PCDH15: variants seen among roughly 807,000 people sequenced by gnomAD.
The protein encoded by PCDH15 is protocadherin related 15.
In PCDH15, 129 loss-of-function variants were observed where a neutral mutation model predicts 178.5. That is an observed-to-expected ratio of 0.72 (90% CI 0.63 to 0.84). The LOEUF is 0.84. Among genes scored for constraint, PCDH15 ranks in the 40% least tolerant of loss-of-function variants. The pLI, the probability that PCDH15 is intolerant of heterozygous loss-of-function variation, is 0.00. For synonymous variants in PCDH15, 800 were observed against 732.0 expected, an observed-to-expected ratio of 1.09 and a Z score of -1.50; for missense variants, 2,230 against 2,099.9, an observed-to-expected ratio of 1.06 and a Z score of -1.21.
chr10:54,185,262 C>T lies in PCDH15; in HGVS notation c.1312G>A (p.Asp438Asn). The stretch of plus-strand genomic sequence containing the variant: ...TTCAGAAAAAGGTGAAGCTCTGGGT[C>T]TTTTGTCTTTGAAAAAAAATGACAT... Reference protein sequence around the residue: ...ALDKDIEDTKDPELHLFLNDY... With the variant: ...ALDKDIEDTKNPELHLFLNDY... The change falls in exon 12 of 38, where the codon GAC becomes AAC. Residue 438 changes from aspartate to asparagine, a missense_variant. By Grantham distance (23) the Asp-to-Asn change is conservative. Coordinates refer to ENST00000644397, the MANE Select transcript of PCDH15 (RefSeq NM_001384140.1). 1 of 1,613,136 alleles carries T rather than the reference C, an allele frequency of 6.2e-7. No individual in the cohort carries two copies. Among genetic ancestry groups the T allele is most frequent in the Non-Finnish European group, 8.5e-7 (1 of 1,179,478 alleles).
At chr10:54,333,214 G>C (rs1940241848) in intron 6 of PCDH15, among the ~76,000 whole-genome samples, 1 of 151,990 alleles carries the variant, frequency 6.6e-6, no homozygotes, top group South Asian at 2.1e-4. Context: ...CCAAAGTTCT[G>C]GGATTAAAGA....
intron 3 of PCDH15, among the ~76,000 whole-genome samples, chr10:54,435,982 GAAAGA>G (rs762352309): frequency 3.3e-3 from 440 of 134,550 alleles, no homozygotes; most frequent in Non-Finnish European, 5.1e-3. Flanking sequence ...AAAAATGAAA[GAAAGA>G]AAAGAAAAGA....
rs1289171537 is a variant in PCDH15, at chr10:55,607,398, G to T, written c.-156+20227C>A. On this transcript the variant is annotated intron_variant, in intron 2 of 5. Transcript: ENST00000613346. The stretch of plus-strand genomic sequence containing the variant: ...TTTGACCCAGCCATCCCATTACTGG[G>T]TATATACCCAAAGGACTATAAATCA... 1.4e-4 allele frequency among the ~76,000 whole-genome samples: 20 copies of T among 138,384 alleles called. No individual in the cohort carries two copies. The South Asian group carries it at 4.6e-3, about 32-fold the overall frequency. The allele number at this position is 138,384 out of a possible 152,430, so 90.8% of individuals were successfully genotyped here.
chr10:55,240,580 A>G (rs1841514959), intron 1 of PCDH15, among the ~76,000 whole-genome samples: 1 of 152,196 alleles, frequency 6.6e-6, no homozygotes, highest in Admixed American at 6.5e-5. Context: ...TCAATACAAT[A>G]GATGTAAAAT....
intron 5 of PCDH15, among the ~76,000 whole-genome samples, chr10:54,361,285 A>G (rs1274550080): frequency 2.6e-5 from 4 of 152,104 alleles, no homozygotes; most frequent in African/African-American, 9.7e-5. Flanking sequence ...CCAAGGGTCA[A>G]CTGTAAAGTT....
intron 28 of PCDH15, among the ~76,000 whole-genome samples, chr10:53,851,671 AATATATATATATATATATATATATATAT>A (rs71004485): frequency 3.0e-4 from 31 of 104,572 alleles, no homozygotes; most frequent in Admixed American, 4.5e-4. Context: ...TCCTCCTAGA[AATATATATATATATATATATATATATAT>A]ATATATATAT....
intron 20 of PCDH15, among the ~76,000 whole-genome samples, chr10:54,012,341 G>A (rs1184292078): frequency 6.6e-6 from 1 of 152,108 alleles, no homozygotes; most frequent in African/African-American, 2.4e-5. Flanking sequence ...GGGAAATGGG[G>A]AAAAAGCAGG....
intron 13 of PCDH15, among the ~76,000 whole-genome samples, chr10:54,181,788 C>G (rs1442702427): frequency 6.6e-6 from 1 of 152,132 alleles, no homozygotes; most frequent in African/African-American, 2.4e-5. Context: ...TTACCAAATA[C>G]ACAGCAGAAG....
rs187892199 is a variant in PCDH15, at chr10:54,595,964, T to G, written c.92-68087A>C. 2.0e-5 allele frequency among the ~76,000 whole-genome samples: 3 copies of G among 152,036 alleles called. No homozygotes were observed. The East Asian group carries it at 5.8e-4, about 30-fold the overall frequency. On this transcript the variant is annotated intron_variant, in intron 2 of 37. Coordinates refer to ENST00000644397, the MANE Select transcript of PCDH15 (RefSeq NM_001384140.1). The stretch of plus-strand genomic sequence containing the variant: ...AGCAAACCTCCAGGAAATATAGGAA[T>G]ATATAAAGAGACCAATATTATGACT...
At chr10:55,056,833 C>T (rs1591864886) in intron 2 of PCDH15, among the ~76,000 whole-genome samples, 1 of 151,558 alleles carries the variant, frequency 6.6e-6, no homozygotes. Flanking sequence ...AGAGTTTCAC[C>T]GTATTGCACA....
intron 2 of PCDH15, among the ~76,000 whole-genome samples, chr10:55,516,728 C>G (rs892149757): frequency 6.6e-6 from 1 of 152,010 alleles, no homozygotes; most frequent in Non-Finnish European, 1.5e-5. Flanking sequence ...GACCAGATGC[C>G]TTGGGATTCA....
intron 1 of PCDH15, among the ~76,000 whole-genome samples, chr10:55,232,393 G>A (rs1029387942): frequency 6.6e-6 from 1 of 152,018 alleles, no homozygotes; most frequent in Non-Finnish European, 1.5e-5. Context: ...CTTGTAGAAA[G>A]TTATTTTATA....
chr10:54,184,999 G>C, intron 12 of PCDH15, 135 bp downstream of exon 12: 2 of 1,015,456 alleles, frequency 2.0e-6, no homozygotes, highest in Non-Finnish European at 3.0e-6. Context: ...TCTTCTCTCT[G>C]GTATTGAAAA....
intron 2 of PCDH15, among the ~76,000 whole-genome samples, chr10:55,066,186 C>T (rs561027814): frequency 1.3e-5 from 2 of 151,046 alleles, no homozygotes; most frequent in East Asian, 3.9e-4. Context: ...CAGCAGTTCT[C>T]TCTTATTTCT....
intron 2 of PCDH15, among the ~76,000 whole-genome samples, chr10:55,011,734 G>C (rs1457380160): frequency 6.6e-6 from 1 of 151,966 alleles, no homozygotes; most frequent in Non-Finnish European, 1.5e-5. Flanking sequence ...AATAAGAGGA[G>C]TGGAAAGACA....
chr10:54,922,022 C>T (rs1345325030), intron 2 of PCDH15, among the ~76,000 whole-genome samples: 3 of 152,164 alleles, frequency 2.0e-5, no homozygotes, highest in African/African-American at 7.2e-5. Flanking sequence ...GAAGAAAATC[C>T]TAACCCATGA....
intron 3 of PCDH15, among the ~76,000 whole-genome samples, chr10:54,421,669 T>C (rs1205678004): frequency 4.6e-4 from 35 of 76,418 alleles, no homozygotes; most frequent in African/African-American, 1.6e-3. Flanking sequence ...AGTGTATATA[T>C]ACATATATAT....
intron 35 of PCDH15, among the ~76,000 whole-genome samples, chr10:53,813,922 A>G (rs1322969232): frequency 6.6e-6 from 1 of 152,194 alleles, no homozygotes; most frequent in Non-Finnish European, 1.5e-5. Flanking sequence ...CTAGTTATAC[A>G]GTATGGTTTA....
At chr10:54,259,394 A>G (rs765753315) in intron 8 of PCDH15, among the ~76,000 whole-genome samples, 1 of 152,188 alleles carries the variant, frequency 6.6e-6, no homozygotes, top group Admixed American at 6.5e-5. Flanking sequence ...GCAGTATAAA[A>G]CAGTCTACGT....
Sources: allele counts gnomAD v4.1 joint callset (sites outside exome capture counted in the v4.1 genomes callset), GRCh38; gene constraint gnomAD v4.1.1; transcripts MANE v1.5; gene names NCBI Gene and HGNC (gene_info 2026-07-23, HGNC 2026-07-21).